The following XPO6 variants were observed in gnomAD, a reference collection of about 807,000 sequenced individuals.
The protein encoded by XPO6 is exportin-6.
A neutral mutation model predicts 130.0 loss-of-function variants in XPO6; 3 were observed. The observed-to-expected ratio is 0.02, with a 90% CI of 0.01 to 0.06. The LOEUF (loss-of-function observed/expected upper bound fraction) is 0.06, where lower values mean the gene tolerates loss of function less well. Ranked by LOEUF, XPO6 falls within the 10% of genes least tolerant of loss-of-function variation. XPO6 has a pLI of 1.00. For missense variants in XPO6, 970 were observed against 1,393.0 expected, an observed-to-expected ratio of 0.70 and a Z score of 4.83; for synonymous variants, 524 against 548.9, an observed-to-expected ratio of 0.95 and a Z score of 0.63.
intron 2 of XPO6, among the ~76,000 whole-genome samples, chr16:28,180,234 G>C (rs975243397): frequency 6.6e-6 from 1 of 152,018 alleles, no homozygotes; most frequent in Non-Finnish European, 1.5e-5. Context: ...GGGTGGTGGT[G>C]GGCACCTGTA....
At chr16:28,169,584 T>C (rs2043416827) in intron 5 of XPO6, among the ~76,000 whole-genome samples, 166 bp downstream of exon 5, 2 of 152,246 alleles carry the variant, frequency 1.3e-5, no homozygotes, top group South Asian at 2.1e-4. Flanking sequence ...TTTGTAGTCC[T>C]ACTGTGTGCT....
At chr16:28,107,459 T>C (rs769907658) in intron 18 of XPO6, 63 bp downstream of exon 18, 16 of 1,585,922 alleles carry the variant, frequency 1.0e-5, no homozygotes, top group Non-Finnish European at 1.2e-5. Context: ...TCTACAGATC[T>C]AAGTGGGTAT....
intron 4 of XPO6, among the ~76,000 whole-genome samples, chr16:28,172,639 A>C (rs2141856484): frequency 6.6e-6 from 1 of 152,300 alleles, no homozygotes; most frequent in African/African-American, 2.4e-5. Flanking sequence ...CACCGCACGT[A>C]AGGCTGGGTT....
Position 28,176,109 on chromosome 16 carries a change from A to T in XPO6, c.208-14T>A. 1 of 1,613,696 alleles carries T rather than the reference A, an allele frequency of 6.2e-7. No homozygotes were observed. The highest frequency in any genetic ancestry group is 8.5e-7 in the Non-Finnish European group (1 of 1,179,738). Reference sequence around the variant, plus strand: ...ATTGATCAGATTCTGAAAAACAAATATACATCTTTTAAGTTAACAACCTAT... The same window carrying T: ...ATTGATCAGATTCTGAAAAACAAATTTACATCTTTTAAGTTAACAACCTAT... On this transcript the variant is annotated splice_polypyrimidine_tract_variant and intron_variant, in intron 3 of 23. Coordinates refer to ENST00000304658, the MANE Select transcript of XPO6 (RefSeq NM_015171.4).
rs1332676409 is a variant in XPO6 at position 28,125,833 on chromosome 16, A to T, written c.1622T>A (p.Ile541Asn). ...CCGCCGGCAGTCGTTCTCCGCCGTG[A>T]TGTTCAACCTGTGTCCTGGAACACA... ...VTSGSGHRLN[I>N]TAENDCRRLH... The change falls in exon 13 of 24, where the codon ATC becomes AAC. Residue 541 changes from isoleucine to asparagine, a missense_variant. By Grantham distance (149) the Ile-to-Asn change is moderately radical. Transcript: ENST00000304658. 1 of 1,613,848 alleles carries T rather than the reference A, an allele frequency of 6.2e-7. No homozygotes were observed. The highest frequency in any genetic ancestry group is 8.5e-7 in the Non-Finnish European group (1 of 1,180,014).
intron 14 of XPO6, among the ~76,000 whole-genome samples, chr16:28,118,800 T>C (rs2087143110): frequency 6.6e-6 from 1 of 152,204 alleles, no homozygotes; most frequent in Non-Finnish European, 1.5e-5. Flanking sequence ...CCTCTTCACA[T>C]GTTCCCAACA....
intron 1 of XPO6, among the ~76,000 whole-genome samples, chr16:28,188,736 C>T (rs1050447366): frequency 7.2e-6 from 1 of 138,452 alleles, no homozygotes; most frequent in Non-Finnish European, 1.5e-5. Flanking sequence ...GGCCTGCACA[C>T]AAGTATGAGA....
intron 6 of XPO6, among the ~76,000 whole-genome samples, chr16:28,158,058 C>T (rs372287908): frequency 4.6e-5 from 7 of 152,106 alleles, no homozygotes; most frequent in Admixed American, 1.3e-4. Context: ...AAGGCACAGA[C>T]GGGCAACAGC....
chr16:28,137,201 T>C (rs2042797514), intron 9 of XPO6, among the ~76,000 whole-genome samples: 1 of 152,226 alleles, frequency 6.6e-6, no homozygotes. Flanking sequence ...TGAACTCCTG[T>C]GGCAGCTAGA....
chr16:28,136,204 G>GTGTTT (rs148637340), intron 9 of XPO6, among the ~76,000 whole-genome samples: 7,952 of 151,902 alleles, frequency 0.052, 536 homozygotes, highest in East Asian at 0.17. Context: ...CACCAATGAA[G>GTGTTT]TGTTTTGTTT....
At position 28,106,531 on chromosome 16, in the gene XPO6, T is replaced by A. The variant is rs769315737; in HGVS notation, c.2498-34A>T. On this transcript the variant is annotated intron_variant, in intron 18 of 23. Coordinates refer to ENST00000304658, the MANE Select transcript of XPO6 (RefSeq NM_015171.4). The surrounding 1 kb of genome is among the most constrained non-coding windows in gnomAD (Gnocchi z 4.2). ...AGGGGCAGAGATATCGTCAGAGGCT[T>A]GCACACAGTGAGAACCAGAACCCTG... 3 of 1,568,022 alleles carry A rather than the reference T, an allele frequency of 1.9e-6. No individual in the cohort carries two copies. The Admixed American group carries it at 5.0e-5, about 26-fold the overall frequency.
At chr16:28,168,906 C>A (rs567273891) in intron 5 of XPO6, among the ~76,000 whole-genome samples, 4 of 152,116 alleles carry the variant, frequency 2.6e-5, no homozygotes, top group Admixed American at 2.0e-4. Context: ...TGAGCCATTG[C>A]ACTAACCCAA....
Position 28,107,621 on chromosome 16 carries a change from A to C in XPO6, c.2398T>G (p.Ser800Ala). 1 of 1,614,200 alleles carries C rather than the reference A, an allele frequency of 6.2e-7. No homozygotes were observed. The highest frequency in any genetic ancestry group is 8.5e-7 in the Non-Finnish European group (1 of 1,180,034). ...SVLEDIVENI[S>A]GESTKSRQIC... ...TGTCGAGACTTGGTGGACTCCCCCG[A>C]GATATTCTCCACAATATCTTCTAAG... The change falls in exon 18 of 24, where the codon TCG becomes GCG. Residue 800 changes from serine (S) to alanine (A), a missense_variant. Physicochemically the swap from Ser to Ala is moderately conservative, Grantham distance 99 (BLOSUM62 1). Transcript: ENST00000304658.
At chr16:28,186,811 T>C (rs974674087) in intron 1 of XPO6, among the ~76,000 whole-genome samples, 9 of 152,146 alleles carry the variant, frequency 5.9e-5, no homozygotes, top group Non-Finnish European at 1.3e-4. Context: ...AAGCTGAGAC[T>C]ATAGGCACAT....
intron 8 of XPO6, 66 bp downstream of exon 8, chr16:28,152,593 T>C: frequency 6.5e-7 from 1 of 1,546,878 alleles, no homozygotes; most frequent in Non-Finnish European, 8.7e-7. Context: ...AAAAAGTTCT[T>C]TCTTCTCAAA....
Position 28,169,702 on chromosome 16 carries a change from GGT to G in XPO6, c.565+46_565+47del, listed in dbSNP as rs757026105. ...GCTGAGTGCCAAGGCCTGAACTCTG[GGT>G]GCCTGCGGGCAGGCCTCTATCTCTG... On this transcript the variant is annotated intron_variant, in intron 5 of 23. Coordinates refer to ENST00000304658, the MANE Select transcript of XPO6 (RefSeq NM_015171.4). The G allele has an allele frequency of 2.0e-5, 32 of 1,601,714 alleles. No homozygotes were observed. In the Admixed American group the frequency reaches 2.9e-4, roughly 14 times the overall value.
chr16:28,125,435 A>G (rs990424928), intron 13 of XPO6, among the ~76,000 whole-genome samples: 1 of 152,256 alleles, frequency 6.6e-6, no homozygotes, highest in Non-Finnish European at 1.5e-5. Context: ...TGTGCTAGGC[A>G]CAGTGCTAAG....
intron 14 of XPO6, among the ~76,000 whole-genome samples, chr16:28,117,915 C>T (rs938293146): frequency 3.3e-5 from 5 of 152,214 alleles, no homozygotes; most frequent in African/African-American, 1.2e-4. Flanking sequence ...CTGCACCACA[C>T]ATTCCACCTG....
At chr16:28,167,268 T>C (rs1488487140) in intron 5 of XPO6, 1 of 985,312 alleles carries the variant, frequency 1.0e-6, no homozygotes, top group Admixed American at 6.1e-5. Context: ...TGGACAATGC[T>C]ACGTGCATAT....
Sources: gnomAD v4.1 joint callset for allele counts (sites outside exome capture counted in the v4.1 genomes callset) on GRCh38, gnomAD v4.1.1 for gene constraint, Gnocchi (gnomAD v3.1) non-coding constraint, MANE v1.5 for transcripts, NCBI Gene and HGNC (gene_info 2026-07-23, HGNC 2026-07-21) for gene names.